The following HS2ST1 variants were observed in gnomAD, a reference collection of about 807,000 sequenced individuals.
The protein encoded by HS2ST1 is 2-O-sulfotransferase.
A neutral mutation model predicts 42.9 loss-of-function variants in HS2ST1; 18 were observed. That is an observed-to-expected ratio of 0.42 (90% confidence interval 0.29 to 0.62). The LOEUF is 0.62. HS2ST1 is among the 20% of genes least tolerant of loss of function. The pLI is 0.21. For synonymous variants in HS2ST1, 146 were observed against 152.9 expected (o/e 0.95, Z 0.33); for missense variants, 334 against 433.8 (o/e 0.77, Z 2.04).
intron 1 of HS2ST1, among the ~76,000 whole-genome samples, chr1:87,019,340 C>T (rs943969458): frequency 1.3e-5 from 2 of 152,192 alleles, no homozygotes; most frequent in Non-Finnish European, 2.9e-5. Flanking sequence ...CCATCATATA[C>T]TGAGTTTACT....
At chr1:86,992,410 G>T (rs1459290022) in intron 1 of HS2ST1, among the ~76,000 whole-genome samples, 3 of 151,284 alleles carry the variant, frequency 2.0e-5, no homozygotes, top group African/African-American at 7.3e-5. Context: ...TTGCTGCCCA[G>T]GCCTGGAGTG....
chr1:86,937,735 A>T (rs544583131), intron 1 of HS2ST1, among the ~76,000 whole-genome samples: 4 of 152,076 alleles, frequency 2.6e-5, no homozygotes, highest in African/African-American at 7.2e-5. Context: ...TATATATATA[A>T]AATCCCTTTC....
chr1:87,016,368 A>G (rs1368946499), intron 1 of HS2ST1, among the ~76,000 whole-genome samples: 1 of 152,106 alleles, frequency 6.6e-6, no homozygotes, highest in Non-Finnish European at 1.5e-5. Context: ...AGTTTTGGAG[A>G]AGATAGTCTA....
chr1:86,929,211 A>G (rs1298797980), intron 1 of HS2ST1, among the ~76,000 whole-genome samples: 3 of 151,922 alleles, frequency 2.0e-5, no homozygotes, highest in African/African-American at 4.8e-5. Context: ...AATAATGACA[A>G]TAATATCTAA....
At chr1:86,986,905 A>C (rs567129549) in intron 1 of HS2ST1, among the ~76,000 whole-genome samples, 1 of 152,268 alleles carries the variant, frequency 6.6e-6, no homozygotes, top group South Asian at 2.1e-4. Context: ...TGACAGTCAT[A>C]GAAAAATAAT....
intron 1 of HS2ST1, among the ~76,000 whole-genome samples, chr1:86,984,598 T>C (rs559519829): frequency 1.4e-4 from 22 of 152,154 alleles, no homozygotes; most frequent in African/African-American, 5.3e-4. Flanking sequence ...TTAAAAGAAA[T>C]GTAAGGCTGG....
At chr1:86,953,503 T>C (rs1647582089) in intron 1 of HS2ST1, among the ~76,000 whole-genome samples, 3 of 152,216 alleles carry the variant, frequency 2.0e-5, no homozygotes, top group Admixed American at 2.0e-4. Flanking sequence ...ATGCCTGTAA[T>C]CCCAGCACTT....
chr1:86,999,764 C>T (rs911849510), intron 1 of HS2ST1, among the ~76,000 whole-genome samples: 10 of 152,288 alleles, frequency 6.6e-5, no homozygotes, highest in African/African-American at 2.4e-4. Flanking sequence ...CTGCAAGAGT[C>T]TTTTCACAGC....
At chr1:87,098,509 A>C (rs1453070986) in intron 5 of HS2ST1, 1 of 362,106 alleles carries the variant, frequency 2.8e-6, no homozygotes, top group Non-Finnish European at 3.8e-6. Context: ...CAATCATTTT[A>C]ATAGGAGAAG....
chr1:87,018,153 C>CACACACACACACACACACACACACACAG (rs1325046712), intron 1 of HS2ST1, among the ~76,000 whole-genome samples: 110 of 151,224 alleles, frequency 7.3e-4, no homozygotes, highest in Non-Finnish European at 4.6e-4. Flanking sequence ...CACACACACA[C>CACACACACACACACACACACACACACAG]ACACACACAC....
intron 3 of HS2ST1, among the ~76,000 whole-genome samples, chr1:87,090,033 A>C (rs1048891627): frequency 1.3e-5 from 2 of 151,958 alleles, no homozygotes; most frequent in Non-Finnish European, 2.9e-5. Context: ...CAGTCTTAAG[A>C]ATGGAATCAC....
intron 1 of HS2ST1, among the ~76,000 whole-genome samples, chr1:87,033,876 C>CT (rs1650303398): frequency 6.6e-6 from 1 of 152,104 alleles, no homozygotes; most frequent in Admixed American, 6.5e-5. Flanking sequence ...TTGCATAATA[C>CT]TTTGACTTTT....
At chr1:86,938,908 T>C (rs1660709585) in intron 1 of HS2ST1, among the ~76,000 whole-genome samples, 1 of 152,186 alleles carries the variant, frequency 6.6e-6, no homozygotes, top group African/African-American at 2.4e-5. Context: ...AAATAAGTAA[T>C]TCAACTGGTA....
intron 1 of HS2ST1, among the ~76,000 whole-genome samples, chr1:86,955,857 C>T (rs1377263407): frequency 6.6e-6 from 1 of 152,032 alleles, no homozygotes; most frequent in Non-Finnish European, 1.5e-5. Flanking sequence ...ATGGGTGGTG[C>T]ACGCCTGTGG....
At chr1:86,953,095 G>A (rs1263210793) in intron 1 of HS2ST1, among the ~76,000 whole-genome samples, 2 of 152,194 alleles carry the variant, frequency 1.3e-5, no homozygotes, top group East Asian at 3.8e-4. Flanking sequence ...TTCTGCATCT[G>A]CACTTGTTGC....
intron 1 of HS2ST1, among the ~76,000 whole-genome samples, chr1:87,007,320 T>C (rs1487488799): frequency 6.6e-6 from 1 of 152,082 alleles, no homozygotes; most frequent in East Asian, 1.9e-4. Context: ...CATTTTCTAT[T>C]TATCTTTATA....
At chr1:86,941,367 G>A (rs1466741484) in intron 1 of HS2ST1, among the ~76,000 whole-genome samples, 1 of 151,956 alleles carries the variant, frequency 6.6e-6, no homozygotes, top group African/African-American at 2.4e-5. Flanking sequence ...GGGCTGCCAG[G>A]TTGAGAGACA....
intron 2 of HS2ST1, among the ~76,000 whole-genome samples, chr1:87,082,666 CTT>C (rs1489094389): frequency 6.6e-6 from 1 of 152,154 alleles, no homozygotes; most frequent in African/African-American, 2.4e-5. Context: ...GTTATAAAGA[CTT>C]TTCATATTCA....
intron 1 of HS2ST1, among the ~76,000 whole-genome samples, chr1:86,931,868 A>G (rs1472590673): frequency 6.6e-6 from 1 of 151,852 alleles, no homozygotes; most frequent in Non-Finnish European, 1.5e-5. Context: ...ATTAAAAATA[A>G]CACGGTGCAT....
Sources: gnomAD v4.1 joint callset for allele counts (sites outside exome capture counted in the v4.1 genomes callset) on GRCh38, gnomAD v4.1.1 for gene constraint, MANE v1.5 for transcripts, NCBI Gene and HGNC (gene_info 2026-07-23, HGNC 2026-07-21) for gene names.